The following TCHP variants were observed in gnomAD, a reference collection of about 807,000 sequenced individuals.
The protein encoded by TCHP is trichoplein keratin filament binding.
A neutral mutation model predicts 88.7 loss-of-function variants in TCHP; 81 were observed. The observed-to-expected ratio is 0.91, with a 90% CI of 0.76 to 1.10. The LOEUF (loss-of-function observed/expected upper bound fraction) is 1.10, where lower values mean the gene tolerates loss of function less well. Ranked by LOEUF, TCHP falls within the 50% of genes least tolerant of loss-of-function variation. The pLI is 0.00. For synonymous variants in TCHP, 232 were observed against 232.5 expected (o/e 1.00, Z 0.02); for missense variants, 641 against 632.1 (o/e 1.01, Z -0.15).
chr12:109,896,492 A>G (rs142061178), upstream of TCHP, among the ~76,000 whole-genome samples: 1 of 152,346 alleles, frequency 6.6e-6, no homozygotes, highest in East Asian at 1.9e-4. Flanking sequence ...AGCACCTGGC[A>G]CATAGCAGGT....
upstream of TCHP, among the ~76,000 whole-genome samples, chr12:109,896,595 A>T (rs1457364500): frequency 2.0e-5 from 3 of 152,146 alleles, no homozygotes; most frequent in African/African-American, 7.2e-5. Flanking sequence ...TACTCAAAAT[A>T]GGGGATCCAT....
the TCHP span, among the ~76,000 whole-genome samples, chr12:109,886,060 A>T: frequency 3.9e-5 from 6 of 152,170 alleles, no homozygotes; most frequent in African/African-American, 1.2e-4. Context: ...TAAATATCTC[A>T]TCACTCATAA....
intron 1 of TCHP, among the ~76,000 whole-genome samples, chr12:109,901,670 CTGT>C (rs773113337): frequency 4.1e-4 from 63 of 152,206 alleles, no homozygotes; most frequent in Non-Finnish European, 7.9e-4. Flanking sequence ...GCACCTGGAA[CTGT>C]TGTTTCTCTG....
the TCHP span, among the ~76,000 whole-genome samples, chr12:109,893,701 A>C: frequency 3.3e-5 from 5 of 152,172 alleles, no homozygotes; most frequent in African/African-American, 9.7e-5. Context: ...AGGGGTGAGC[A>C]TTGAGTTCAG....
chr12:109,914,370 G>C (rs1222418145), intron 10 of TCHP, 72 bp from the exon 11 acceptor site: 1 of 1,435,606 alleles, frequency 7.0e-7, no homozygotes, highest in Non-Finnish European at 9.5e-7. Flanking sequence ...GCTGCAGCCT[G>C]TCCAAGGCTT....
upstream of TCHP, among the ~76,000 whole-genome samples, chr12:109,895,901 T>C (rs1458517934): frequency 6.6e-6 from 1 of 152,212 alleles, no homozygotes; most frequent in African/African-American, 2.4e-5. Flanking sequence ...GTCATTGACC[T>C]GTCATTGAAT....
chr12:109,914,406 A>C (rs746190447), intron 10 of TCHP, 36 bp from the exon 11 acceptor site: 3 of 1,578,444 alleles, frequency 1.9e-6, no homozygotes, highest in Non-Finnish European at 2.6e-6. Flanking sequence ...GTTAGGGTCA[A>C]CCTCAAAGCT....
In TCHP at chr12:109,907,595, C is replaced by G; in HGVS notation, c.595C>G (p.Leu199Val). The G allele has an allele frequency of 6.2e-7, 1 of 1,614,162 alleles. No individual in the cohort carries two copies. The highest frequency in any genetic ancestry group is 8.5e-7 in the Non-Finnish European group (1 of 1,180,042). Reference protein sequence around the residue: ...NEYERARREALERMKAEEERR... With the variant: ...NEYERARREAVERMKAEEERR... ...ATATGAAAGGGCCCGAAGGGAGGCG[C>G]TAGAAAGGATGAAAGCTGAAGAGGA... The change falls in exon 6 of 13, where the codon CTA (leucine) becomes GTA (valine). Residue 199 changes from leucine (L) to valine (V), a missense_variant. Coordinates refer to ENST00000405876, the MANE Select transcript of TCHP (RefSeq NM_001143852.2).
chr12:109,915,196 A>T (rs1870738383), intron 11 of TCHP: 2 of 662,244 alleles, frequency 3.0e-6, no homozygotes, highest in Non-Finnish European at 5.2e-6. Flanking sequence ...CCACGCATAC[A>T]GCCTCTCCAG....
At position 109,904,732 on chromosome 12, in the gene TCHP, G is replaced by A. The variant is rs1592907006; in HGVS notation, c.400-5G>A. 1 of 1,610,166 alleles carries A rather than the reference G, an allele frequency of 6.2e-7. No homozygotes were observed. The highest frequency in any genetic ancestry group is 8.5e-7 in the Non-Finnish European group (1 of 1,179,014). On this transcript the variant is annotated splice_polypyrimidine_tract_variant and splice_region_variant and intron_variant, in intron 3 of 12. Coordinates refer to ENST00000405876, the MANE Select transcript of TCHP (RefSeq NM_001143852.2). ...CAGGCTTTCCATTTTGTGTTTTCTT[G>A]ATAGATTGCTGAACAACTTTTGTAC...
chr12:109,898,790 G>C (rs1869635081), upstream of TCHP, among the ~76,000 whole-genome samples: 1 of 152,102 alleles, frequency 6.6e-6, no homozygotes, highest in Non-Finnish European at 1.5e-5. Flanking sequence ...ACCACAGCCT[G>C]CTAATTTTAT....
chr12:109,885,478 GTTTT>G, the TCHP span, among the ~76,000 whole-genome samples: 18 of 118,168 alleles, frequency 1.5e-4, no homozygotes, highest in South Asian at 5.5e-4. Context: ...AAATCTGATG[GTTTT>G]TTTTTTTTTT....
chr12:109,914,415 CTG>C, intron 10 of TCHP, 25 bp from the exon 11 acceptor site: 2 of 1,592,554 alleles, frequency 1.3e-6, no homozygotes, highest in African/African-American at 2.7e-5. Context: ...AACCTCAAAG[CTG>C]CCCTTTTCTT....
At position 109,908,880 on chromosome 12, in the gene TCHP, G is replaced by C. The variant is rs745741067; in HGVS notation, c.822G>C (p.Leu274Phe). The C allele has an allele frequency of 9.9e-6, 16 of 1,614,238 alleles. No individual in the cohort carries two copies. Among genetic ancestry groups the C allele is most frequent in the African/African-American group, 1.3e-5 (1 of 75,076 alleles). The change falls in exon 8 of 13, where the codon TTG becomes TTC. Residue 274 changes from leucine (L) to phenylalanine (F), a missense_variant. By Grantham distance (22) the Leu-to-Phe change is conservative. Coordinates refer to ENST00000405876, the MANE Select transcript of TCHP (RefSeq NM_001143852.2). ...FRQKAELGRF[L>F]RHQYNAQLSR... ...TTTGATTCTCCTTCAGGCGTTTCTTGAGACATCAGTATAACGCTCAACTCA... is the reference window on the plus strand; with the variant it reads ...TTTGATTCTCCTTCAGGCGTTTCTTCAGACATCAGTATAACGCTCAACTCA...
the TCHP span, among the ~76,000 whole-genome samples, chr12:109,881,996 C>T: frequency 6.6e-6 from 1 of 151,980 alleles, no homozygotes; most frequent in Non-Finnish European, 1.5e-5. Flanking sequence ...AATCCCTGCC[C>T]TTGTGGAGCT....
the TCHP span, among the ~76,000 whole-genome samples, chr12:109,890,353 C>G: frequency 1.3e-3 from 200 of 151,770 alleles, no homozygotes; most frequent in African/African-American, 4.5e-3. Context: ...TGCCTGTGGT[C>G]CCAGCTACTC....
chr12:109,915,284 C>A, intron 11 of TCHP, 119 bp from the exon 12 acceptor site: 1 of 1,392,102 alleles, frequency 7.2e-7, no homozygotes, highest in Non-Finnish European at 1.0e-6. Flanking sequence ...ACGTGCATTG[C>A]TGTTGCTCAG....
rs1869905797 is a variant in TCHP, at chr12:109,903,116, T to G, written c.90T>G (p.Leu30=). Residue 30 remains leucine, a synonymous_variant, in exon 2 of 13, where the codon CTT becomes CTG. Coordinates refer to ENST00000405876, the MANE Select transcript of TCHP (RefSeq NM_001143852.2). This position sits in a 1 kb window ranked among gnomAD's most constrained non-coding sequence, Gnocchi z 4.6. ...GACAGCGAGAGCAGGAGGCCCGGCTTCGGCAGCAGTGGGAGCAGAACAGCC... is the reference window on the plus strand; with the variant it reads ...GACAGCGAGAGCAGGAGGCCCGGCTGCGGCAGCAGTGGGAGCAGAACAGCC... The part of the protein sequence containing the change: ...LARQREQEAR[L]RQQWEQNSRY... 1 of 1,613,920 alleles carries G rather than the reference T, an allele frequency of 6.2e-7. No individual in the cohort carries two copies. Among genetic ancestry groups the G allele is most frequent in the Non-Finnish European group, 8.5e-7 (1 of 1,179,910 alleles).
chr12:109,903,291 G>A lies in TCHP; in HGVS notation c.188+77G>A, dbSNP rs1869924058. On this transcript the variant is annotated intron_variant, in intron 2 of 12. Transcript: ENST00000405876. The surrounding 1 kb of genome is among the most constrained non-coding windows in gnomAD (Gnocchi z 4.6). ...CAGGGGATGAGGCCTTAAGGATTTA[G>A]GGAGCGTAGGATTTGCCAGGCAGTA... 7.1e-7 allele frequency: 1 copy of A among 1,400,730 alleles called. No individual in the cohort carries two copies. The highest frequency in any genetic ancestry group is 2.0e-5 in the Admixed American group (1 of 50,576). The allele number at this position is 1,400,730 out of a possible 1,614,324, so 86.8% of individuals were successfully genotyped here.
Sources: allele counts gnomAD v4.1 joint callset (sites outside exome capture counted in the v4.1 genomes callset), GRCh38; gene constraint gnomAD v4.1.1; non-coding constraint Gnocchi (gnomAD v3.1); transcripts MANE v1.5; gene names NCBI Gene and HGNC (gene_info 2026-07-23, HGNC 2026-07-21).